Variants in SH3TC1 observed in about 807,000 individuals in gnomAD.
SH3TC1 encodes SH3 domain and tetratricopeptide repeats 1.
A neutral mutation model predicts 117.3 loss-of-function variants in SH3TC1; 135 were observed. That is an observed-to-expected ratio of 1.15 (90% confidence interval 1.00 to 1.33). The LOEUF is 1.33. Among genes scored for constraint, SH3TC1 ranks in the 40% most tolerant of loss-of-function variants. SH3TC1 has a pLI of 0.00. For missense variants in SH3TC1, 2,092 were observed against 1,794.3 expected (o/e 1.17, Z -3.00); for synonymous variants, 898 against 816.9 (o/e 1.10, Z -1.69).
At chr4:8,232,449 C>T (rs774810766) in intron 13 of SH3TC1, 1 of 1,503,468 alleles carries the variant, frequency 6.7e-7, no homozygotes, top group Non-Finnish European at 8.9e-7. Context: ...GCATTCTGGG[C>T]TGTTCTTCCT....
At position 8,228,159 on chromosome 4, in the gene SH3TC1, G is replaced by C. The variant is rs371064421; in HGVS notation, c.2465G>C (p.Arg822Pro). ...GAAGCCAGTGCTATTGCCGGAGTCC[G>C]TGCCATCGTGGACCACCTGGTGGCC... ...AVEASAIAGV[R>P]AIVDHLVALA... The change falls in exon 12 of 18, where the codon CGT (arginine) becomes CCT (proline). Residue 822 changes from arginine (R) to proline (P), a missense_variant. Physicochemically the swap from Arg to Pro is moderately radical, Grantham distance 103. Transcript: ENST00000245105. The C allele has an allele frequency of 3.7e-6, 6 of 1,611,952 alleles. No individual in the cohort carries two copies. Among genetic ancestry groups the C allele is most frequent in the African/African-American group, 1.3e-5 (1 of 74,932 alleles).
chr4:8,219,201 A>T, intron 8 of SH3TC1, 134 bp from the exon 9 acceptor site: 1 of 862,360 alleles, frequency 1.2e-6, no homozygotes, highest in Non-Finnish European at 1.7e-6. Context: ...TGCGGAAACC[A>T]AGCTTTACTA....
At chr4:8,182,982 G>A (rs960321578) in intron 1 of SH3TC1, among the ~76,000 whole-genome samples, 5 of 152,174 alleles carry the variant, frequency 3.3e-5, no homozygotes, top group South Asian at 2.1e-4. Flanking sequence ...GGGACTGGAC[G>A]CAGAGGCTGT....
chr4:8,235,698 G>T (rs558563500), intron 15 of SH3TC1, 143 bp downstream of exon 15: 2 of 1,196,842 alleles, frequency 1.7e-6, no homozygotes, highest in South Asian at 1.9e-5. Context: ...GTTTCACCGG[G>T]AATGATATTG....
chr4:8,215,524 G>C (rs937074260), intron 5 of SH3TC1, among the ~76,000 whole-genome samples: 3 of 152,206 alleles, frequency 2.0e-5, no homozygotes, highest in African/African-American at 7.2e-5. Flanking sequence ...AGGGCAGCAG[G>C]CTTCCTGTCT....
chr4:8,223,041 G>A (rs778016959), intron 10 of SH3TC1, 71 bp downstream of exon 10: 128 of 1,546,810 alleles, frequency 8.3e-5, no homozygotes, highest in African/African-American at 1.5e-4. Flanking sequence ...TGCTGCCCTC[G>A]TCCATCCACA....
In SH3TC1 at chr4:8,240,951, G is replaced by A. The variant is rs372782356; in HGVS notation, c.4007G>A (p.Arg1336His). The A allele has an allele frequency of 1.3e-5, 21 of 1,608,944 alleles. No individual in the cohort carries two copies. The highest frequency in any genetic ancestry group is 4.4e-5 in the South Asian group (4 of 91,072). The change falls in exon 18 of 18, where the codon CGC (arginine) becomes CAC (histidine). Residue 1336 changes from arginine to histidine, a missense_variant. Transcript: ENST00000245105. ...CCCTGGTTGGCCCCCAGCCACCCTC[G>A]CTGAGGACAGCATCCAAGGGAGTGG... is the stretch of plus-strand genomic sequence containing the variant. Reference protein sequence around the residue: ...WAPWLAPSHPR With the variant: ...WAPWLAPSHPH
At chr4:8,189,944 T>C (rs769896961) in intron 1 of SH3TC1, among the ~76,000 whole-genome samples, 12 of 152,020 alleles carry the variant, frequency 7.9e-5, no homozygotes, top group Middle Eastern at 3.4e-3. Flanking sequence ...CAGAGAGACA[T>C]GGAAGAGGGA....
chr4:8,211,158 AC>A (rs1718647184), intron 3 of SH3TC1, among the ~76,000 whole-genome samples: 1 of 20,732 alleles, frequency 4.8e-5, no homozygotes, highest in Non-Finnish European at 8.7e-5. Context: ...CTCTCCCCCC[AC>A]CTGTTTTCTC....
At chr4:8,229,226 G>A (rs544089398) in intron 12 of SH3TC1, 30 of 152,140 alleles carry the variant, frequency 2.0e-4, no homozygotes, top group African/African-American at 7.0e-4. Flanking sequence ...GCATGGGAAA[G>A]TGAGCTTCAG....
chr4:8,198,786 G>A (rs1203636292), upstream of SH3TC1, among the ~76,000 whole-genome samples: 4 of 152,248 alleles, frequency 2.6e-5, no homozygotes, highest in Non-Finnish European at 4.4e-5. Flanking sequence ...CCCGGGCAGA[G>A]ACGGAAGAAA....
chr4:8,224,790 T>G (rs934911888), intron 10 of SH3TC1, among the ~76,000 whole-genome samples: 1 of 152,136 alleles, frequency 6.6e-6, no homozygotes, highest in African/African-American at 2.4e-5. Context: ...CTGATGGAGC[T>G]GATGGAAGCC....
chr4:8,235,363 G>A, intron 14 of SH3TC1, 70 bp from the exon 15 acceptor site: 2 of 1,410,338 alleles, frequency 1.4e-6, no homozygotes, highest in Non-Finnish European at 1.9e-6. Context: ...CTGGGCGGGG[G>A]AGTCCGACCT....
At chr4:8,207,120 C>T (rs1037775156) in intron 2 of SH3TC1, among the ~76,000 whole-genome samples, 17 of 149,660 alleles carry the variant, frequency 1.1e-4, no homozygotes, top group African/African-American at 3.5e-4. Context: ...ACCTTGTGTT[C>T]TGACGTGACC....
Position 8,241,086 on chromosome 4 carries a change from G to T in SH3TC1, c.*131G>T. 20 of 1,105,284 alleles carry T rather than the reference G, an allele frequency of 1.8e-5. No homozygotes were observed. The highest frequency in any genetic ancestry group is 9.2e-5 in the East Asian group (3 of 32,502). 68.5% of individuals were successfully genotyped at this position (1,105,284 alleles called of 1,614,324 possible). On this transcript the variant is annotated 3_prime_UTR_variant, in exon 18 of 18. Transcript: ENST00000245105. The stretch of plus-strand genomic sequence containing the variant: ...GGCCAAATAGCAATAAATGGGTTTT[G>T]TTTTTTTTTTGCAATAACTTATTGA...
In SH3TC1 at chr4:8,205,823, C is replaced by T. The variant is rs922824143; in HGVS notation, c.172+457C>T. On this transcript the variant is annotated intron_variant, in intron 2 of 17. Transcript: ENST00000245105. This position sits in a 1 kb window ranked among gnomAD's most constrained non-coding sequence, Gnocchi z 5.4. The stretch of plus-strand genomic sequence containing the variant: ...CGGGCCAGGACGTGTGCCCAGTTTC[C>T]TGAATTCCCGGGAGACCTGAAGAGT... The T allele has an allele frequency of 6.7e-6, 4 of 597,836 alleles. No homozygotes were observed. In the African/African-American group the frequency reaches 7.4e-5, roughly 11 times the overall value. 37.0% of individuals were successfully genotyped at this position (597,836 alleles called of 1,614,324 possible). A position where few individuals can be genotyped will look rare whatever the true frequency, so the allele number is the denominator to read the frequency against.
chr4:8,202,559 G>A (rs1005818073), intron 1 of SH3TC1, among the ~76,000 whole-genome samples: 3 of 152,186 alleles, frequency 2.0e-5, no homozygotes, highest in Non-Finnish European at 4.4e-5. Flanking sequence ...GAGGTGGTTG[G>A]GGGGTGGGAA....
chr4:8,201,694 C>G (rs545204971), intron 1 of SH3TC1: 1 of 152,260 alleles, frequency 6.6e-6, no homozygotes, highest in Non-Finnish European at 1.5e-5. Flanking sequence ...AGGAATCCCA[C>G]GCTTAGGGTT....
intron 4 of SH3TC1, chr4:8,213,071 C>T: frequency 1.9e-6 from 1 of 530,480 alleles, no homozygotes; most frequent in East Asian, 3.4e-5. Flanking sequence ...GCCCCAGCAA[C>T]AGGGGACCTC....
Sources: allele counts gnomAD v4.1 joint callset (sites outside exome capture counted in the v4.1 genomes callset), GRCh38; gene constraint gnomAD v4.1.1; non-coding constraint Gnocchi (gnomAD v3.1); transcripts MANE v1.5; gene names NCBI Gene and HGNC (gene_info 2026-07-23, HGNC 2026-07-21).